The following XNDC1N variants were observed in gnomAD, a reference collection of about 807,000 sequenced individuals.
XNDC1N encodes the protein protein XNDC1N.
At chr11:71,903,333 C>T in the XNDC1N span, 3 of 1,431,900 alleles carry the variant, frequency 2.1e-6, no homozygotes, top group South Asian at 3.4e-5. Flanking sequence ...ATCATCCTGG[C>T]CGTCAGCCCT....
chr11:71,884,178 A>C, the XNDC1N span: 1 of 388,116 alleles, frequency 2.6e-6, no homozygotes, highest in Non-Finnish European at 4.5e-6. Flanking sequence ...TTCTCATTTA[A>C]AATTCTGTAC....
At chr11:71,884,378 G>T in the XNDC1N span, 5 of 1,549,886 alleles carry the variant, frequency 3.2e-6, no homozygotes, top group Non-Finnish European at 4.4e-6. Context: ...GTAATATTGT[G>T]TCATATAATT....
the XNDC1N span, among the ~76,000 whole-genome samples, chr11:71,888,400 A>T: frequency 6.6e-6 from 1 of 152,222 alleles, no homozygotes; most frequent in Non-Finnish European, 1.5e-5. Context: ...GTATGCGGTC[A>T]CCAAGGGGGC....
chr11:71,903,446 G>A, the XNDC1N span: 8 of 952,226 alleles, frequency 8.4e-6, no homozygotes, highest in Non-Finnish European at 1.4e-5. Flanking sequence ...TGGACATCCA[G>A]TCTCACAGCA....
chr11:71,882,142 G>A, the XNDC1N span, among the ~76,000 whole-genome samples: 2 of 151,072 alleles, frequency 1.3e-5, no homozygotes, highest in African/African-American at 4.9e-5. Context: ...GACAACCAAG[G>A]ATAAGAATTA....
chr11:71,881,313 C>G, the XNDC1N span, among the ~76,000 whole-genome samples: 1 of 152,020 alleles, frequency 6.6e-6, no homozygotes, highest in African/African-American at 2.4e-5. Context: ...TCAATTTTGT[C>G]CAATATAAAT....
chr11:71,900,004 AT>A, the XNDC1N span, among the ~76,000 whole-genome samples: 1 of 152,246 alleles, frequency 6.6e-6, no homozygotes, highest in Non-Finnish European at 1.5e-5. Flanking sequence ...CTGCCTTGTT[AT>A]TCTTTACTCC....
chr11:71,895,453 G>A, the XNDC1N span, among the ~76,000 whole-genome samples: 3 of 150,096 alleles, frequency 2.0e-5, no homozygotes, highest in Non-Finnish European at 4.4e-5. Flanking sequence ...GGGATTACAG[G>A]CATGCGCTAC....
chr11:71,911,916 T>G, the XNDC1N span, among the ~76,000 whole-genome samples: 1 of 152,142 alleles, frequency 6.6e-6, no homozygotes, highest in African/African-American at 2.4e-5. Flanking sequence ...TTGGACCTAC[T>G]TCTTCTAAAG....
chr11:71,879,600 T>C, the XNDC1N span, among the ~76,000 whole-genome samples: 21 of 152,062 alleles, frequency 1.4e-4, no homozygotes, highest in African/African-American at 4.8e-4. Context: ...TGTTAGTGGG[T>C]TTTTTATATT....
At chr11:71,928,033 C>CTGA in the XNDC1N span, 4,001 of 166,196 alleles carry the variant, frequency 0.024, 164 homozygotes, top group African/African-American at 0.091. Flanking sequence ...TCGAGTTCAC[C>CTGA]GGCTGCTGAA....
At chr11:71,917,310 G>T in the XNDC1N span, 1 of 656,814 alleles carries the variant, frequency 1.5e-6, no homozygotes, top group Non-Finnish European at 2.8e-6. Context: ...CACCACGCCT[G>T]GCCACAAAAA....
At chr11:71,909,382 C>CA in the XNDC1N span, among the ~76,000 whole-genome samples, 1 of 151,952 alleles carries the variant, frequency 6.6e-6, no homozygotes, top group Non-Finnish European at 1.5e-5. Flanking sequence ...GCTTGGCTGT[C>CA]AGAGTTTGCA....
At chr11:71,886,127 T>C in the XNDC1N span, among the ~76,000 whole-genome samples, 2 of 152,106 alleles carry the variant, frequency 1.3e-5, no homozygotes, top group African/African-American at 4.8e-5. Context: ...GATGGTCACG[T>C]GGTGGAGAGG....
At chr11:71,894,202 C>T in the XNDC1N span, 4 of 701,874 alleles carry the variant, frequency 5.7e-6, no homozygotes, top group South Asian at 7.7e-5. Flanking sequence ...TGGCTCTCAC[C>T]TAGCAGTTGT....
the XNDC1N span, among the ~76,000 whole-genome samples, chr11:71,885,012 C>A: frequency 6.6e-6 from 1 of 152,052 alleles, no homozygotes; most frequent in African/African-American, 2.4e-5. Flanking sequence ...TTAGGATCCG[C>A]GGTGGATACA....
At chr11:71,921,699 G>A in the XNDC1N span, among the ~76,000 whole-genome samples, 90 of 152,250 alleles carry the variant, frequency 5.9e-4, no homozygotes, top group African/African-American at 2.1e-3. Flanking sequence ...GTGCACGCGT[G>A]CATGTTTTTT....
the XNDC1N span, among the ~76,000 whole-genome samples, chr11:71,901,191 C>A: frequency 1.3e-5 from 2 of 152,122 alleles, no homozygotes; most frequent in African/African-American, 2.4e-5. Context: ...CTCTTGACTT[C>A]CACAAAGCAG....
the XNDC1N span, chr11:71,917,044 A>G: frequency 3.4e-5 from 7 of 205,622 alleles, no homozygotes; most frequent in African/African-American, 1.7e-4. Context: ...ACAGAGTTTC[A>G]CTCTTGTCAC....
Sources: allele counts gnomAD v4.1 joint callset (sites outside exome capture counted in the v4.1 genomes callset), GRCh38; gene constraint gnomAD v4.1.1; transcripts MANE v1.5; gene names NCBI Gene and HGNC (gene_info 2026-07-23, HGNC 2026-07-21).